Variants in TNRC18 observed in about 807,000 individuals in gnomAD.
TNRC18 encodes the protein trinucleotide repeat-containing gene 18 protein.
A neutral mutation model predicts 226.7 loss-of-function variants in TNRC18; 69 were observed. That is an observed-to-expected ratio of 0.30 (90% confidence interval 0.25 to 0.37). TNRC18 has a LOEUF of 0.37. Ranked by LOEUF, TNRC18 falls within the 10% of genes least tolerant of loss-of-function variation. The pLI is 1.00. For synonymous variants in TNRC18, 2,449 were observed against 1,927.6 expected (o/e 1.27, Z -7.09); for missense variants, 4,754 against 4,256.6 (o/e 1.12, Z -3.25).
chr7:5,327,088 A>T lies in TNRC18; in HGVS notation c.6148-1840T>A, dbSNP rs563083976. ...CAGTGAGCCGACATCGTGCCACTGC[A>T]CTCCAGCCTGGGCGACAGAGTGAGA... On this transcript the variant is annotated intron_variant, in intron 19 of 29. Transcript: ENST00000430969. Among the ~76,000 whole-genome samples the T allele has an allele frequency of 7.9e-5, 12 of 152,308 alleles. 1 individual carries two copies. In the South Asian group the frequency reaches 1.4e-3, roughly 18 times the overall value.
chr7:5,421,254 G>T lies in TNRC18; in HGVS notation c.-8C>A. 1 of 1,290,738 alleles carries T rather than the reference G, an allele frequency of 7.7e-7. No homozygotes were observed. The allele number at this position is 1,290,738 out of a possible 1,614,324, so 80.0% of individuals were successfully genotyped here. A position where few individuals can be genotyped will look rare whatever the true frequency, so the allele number is the denominator to read the frequency against. ...GAAGTCTCGGCCATCCATCCTCCGC[G>T]GGAGTGCCGCGATCAGCCCCCCACC... On this transcript the variant is annotated 5_prime_UTR_variant, in exon 2 of 30. Coordinates refer to ENST00000430969, the MANE Select transcript of TNRC18 (RefSeq NM_001080495.3).
rs1788225516 is a variant in TNRC18 at position 5,320,417 on chromosome 7, C to G, written c.6646G>C (p.Val2216Leu). ...EQLLQEAIID[V>L]RPASTRFLPQ... ...AAGAAGCGAGTGGAGGCTGGCCTCACATCGATGATCTAGAAGGGCATGGGA... is the reference window on the plus strand; with the variant it reads ...AAGAAGCGAGTGGAGGCTGGCCTCAGATCGATGATCTAGAAGGGCATGGGA... Residue 2216 changes from valine (V) to leucine (L), a missense_variant, in exon 24 of 30, where the codon GTG becomes CTG. Physicochemically the swap from Val to Leu is conservative, Grantham distance 32 (BLOSUM62 1). Transcript: ENST00000430969. 2 of 1,561,652 alleles carry G rather than the reference C, an allele frequency of 1.3e-6. No individual in the cohort carries two copies. Among genetic ancestry groups the G allele is most frequent in the Non-Finnish European group, 1.7e-6 (2 of 1,152,898 alleles).
chr7:5,345,526 A>ACCACCCCCCCCC, intron 18 of TNRC18, 36 bp downstream of exon 18: 1 of 177,496 alleles, frequency 5.6e-6, no homozygotes, highest in Admixed American at 7.5e-5. Context: ...CGCCCCTCCC[A>ACCACCCCCCCCC]CCCACCCCCA....
chr7:5,375,012 A>G (rs903586333), intron 9 of TNRC18, among the ~76,000 whole-genome samples: 2 of 152,206 alleles, frequency 1.3e-5, no homozygotes, highest in Non-Finnish European at 2.9e-5. Context: ...GTCAGTCAAT[A>G]CACAAAACAC....
intron 15 of TNRC18, 25 bp from the exon 16 acceptor site, chr7:5,357,301 G>A (rs997157804): frequency 1.5e-5 from 24 of 1,591,884 alleles, no homozygotes; most frequent in Non-Finnish European, 2.0e-5. Flanking sequence ...TGGGTCATGG[G>A]TTAAAAGATC....
At chr7:5,380,392 G>C (rs990873667) in intron 5 of TNRC18, among the ~76,000 whole-genome samples, 2 of 152,242 alleles carry the variant, frequency 1.3e-5, no homozygotes, top group Non-Finnish European at 2.9e-5. Context: ...ACTGCAGTGA[G>C]CTGTGATTAC....
intron 2 of TNRC18, among the ~76,000 whole-genome samples, chr7:5,415,219 C>A (rs912098996): frequency 9.2e-5 from 14 of 152,116 alleles, no homozygotes; most frequent in African/African-American, 2.9e-4. Context: ...GTTCCGTCCA[C>A]CTTCACCACA....
chr7:5,422,055 G>A (rs905691789), intron 1 of TNRC18, among the ~76,000 whole-genome samples: 4 of 152,102 alleles, frequency 2.6e-5, no homozygotes, highest in Admixed American at 6.5e-5. Flanking sequence ...AGGAGGGAGG[G>A]TCCAAAGCGG....
chr7:5,316,272 G>GTTTTTT (rs1787832305), intron 24 of TNRC18, among the ~76,000 whole-genome samples, 200 bp from the exon 25 acceptor site: 10 of 76,666 alleles, frequency 1.3e-4, no homozygotes, highest in African/African-American at 1.7e-4. Context: ...GGAGAAATGG[G>GTTTTTT]TCTTTTTTTT....
In TNRC18 at chr7:5,313,638, G is replaced by A. The variant is rs1382474285; in HGVS notation, c.7253C>T (p.Pro2418Leu). 1 of 1,604,720 alleles carries A rather than the reference G, an allele frequency of 6.2e-7. No homozygotes were observed. Among genetic ancestry groups the A allele is most frequent in the Non-Finnish European group, 8.5e-7 (1 of 1,176,490 alleles). ...APEPFAELPA[P>L]ATSLAPAPLI... Reference sequence around the variant, plus strand: ...GGGTGCTGGGGCCAGGGAGGTGGCAGGAGCTGGCAGCTCTGCAAATGGCTC... The same window carrying A: ...GGGTGCTGGGGCCAGGGAGGTGGCAAGAGCTGGCAGCTCTGCAAATGGCTC... Residue 2418 changes from proline (P) to leucine (L), a missense_variant, in exon 27 of 30, where the codon CCT becomes CTT. Coordinates refer to ENST00000430969, the MANE Select transcript of TNRC18 (RefSeq NM_001080495.3).
intron 17 of TNRC18, among the ~76,000 whole-genome samples, chr7:5,346,480 G>A (rs1791211119): frequency 6.6e-6 from 1 of 152,152 alleles, no homozygotes. Flanking sequence ...TGGGTGACAA[G>A]AGTGAGACTC....
In TNRC18 at chr7:5,377,722, T is replaced by C; in HGVS notation, c.2256-146A>G. 1.4e-5 allele frequency: 15 copies of C among 1,087,698 alleles called. No homozygotes were observed. Among genetic ancestry groups the C allele is most frequent in the Non-Finnish European group, 2.0e-5 (15 of 758,904 alleles). 67.4% of individuals were successfully genotyped at this position (1,087,698 alleles called of 1,614,324 possible). On this transcript the variant is annotated intron_variant, in intron 6 of 29. Transcript: ENST00000430969. This position sits in a 1 kb window ranked among gnomAD's most constrained non-coding sequence, Gnocchi z 5.8. ...GGAACTGAAGGGCCTCCCGGGGCCT[T>C]CCACACTCACTGTAGGGGCAGTGGG...
At chr7:5,364,321 T>G (rs1793384906) in intron 11 of TNRC18, among the ~76,000 whole-genome samples, 1 of 151,650 alleles carries the variant, frequency 6.6e-6, no homozygotes, top group South Asian at 2.1e-4. Context: ...AATATAAATG[T>G]AAACTGGGTG....
chr7:5,320,293 G>C lies in TNRC18; in HGVS notation c.6745+25C>G, dbSNP rs775778379. 3.9e-6 allele frequency: 6 copies of C among 1,528,824 alleles called. No individual in the cohort carries two copies. In the Middle Eastern group the frequency reaches 8.1e-4, roughly 207 times the overall value. 94.7% of individuals were successfully genotyped at this position (1,528,824 alleles called of 1,614,324 possible). A position where few individuals can be genotyped will look rare whatever the true frequency, so the allele number is the denominator to read the frequency against. On this transcript the variant is annotated intron_variant, in intron 24 of 29. Transcript: ENST00000430969. ...CATACTGAGATGTTAGGCGGCAGGG[G>C]AGAGCTGGGGAGGAGGCATCTCACC...
At chr7:5,354,448 T>C (rs563473184) in intron 16 of TNRC18, among the ~76,000 whole-genome samples, 1 of 151,794 alleles carries the variant, frequency 6.6e-6, no homozygotes, top group African/African-American at 2.4e-5. Flanking sequence ...CTCCCCCGAC[T>C]TCCCTGAACC....
At chr7:5,361,026 G>C (rs1013816123) in intron 14 of TNRC18, among the ~76,000 whole-genome samples, 1 of 152,208 alleles carries the variant, frequency 6.6e-6, no homozygotes, top group Admixed American at 6.5e-5. Flanking sequence ...GAAGGACGAA[G>C]CATCTTTTCT....
At chr7:5,333,214 C>T (rs1486673680) in intron 18 of TNRC18, among the ~76,000 whole-genome samples, 165 bp from the exon 19 acceptor site, 1 of 152,204 alleles carries the variant, frequency 6.6e-6, no homozygotes, top group Non-Finnish European at 1.5e-5. Context: ...AAAGACTCAT[C>T]GGGACCACGC....
At chr7:5,378,445 G>C (rs998021922) in intron 5 of TNRC18, among the ~76,000 whole-genome samples, 2 of 150,098 alleles carry the variant, frequency 1.3e-5, no homozygotes, top group African/African-American at 4.9e-5. Context: ...TTGAGATGGA[G>C]TCTCGCTCTG....
intron 5 of TNRC18, 24 bp from the exon 6 acceptor site, chr7:5,378,048 AG>A (rs1174600586): frequency 7.5e-6 from 12 of 1,592,752 alleles, no homozygotes; most frequent in Non-Finnish European, 1.0e-5. Flanking sequence ...GGTGGAAGTG[AG>A]CCCCCAGCCA....
Sources: gnomAD v4.1 joint callset for allele counts (sites outside exome capture counted in the v4.1 genomes callset) on GRCh38, gnomAD v4.1.1 for gene constraint, Gnocchi (gnomAD v3.1) non-coding constraint, MANE v1.5 for transcripts, NCBI Gene and HGNC (gene_info 2026-07-23, HGNC 2026-07-21) for gene names.